Variants in ITPKC observed in about 807,000 individuals in gnomAD.
ITPKC encodes the protein inositol-trisphosphate 3-kinase C.
A neutral mutation model predicts 67.1 loss-of-function variants in ITPKC; 33 were observed. That is an observed-to-expected ratio of 0.49 (90% confidence interval 0.37 to 0.66). The LOEUF (loss-of-function observed/expected upper bound fraction) is 0.66. Ranked by LOEUF, ITPKC falls within the 30% of genes least tolerant of loss-of-function variation. ITPKC has a pLI of 0.00. For missense variants in ITPKC, 820 were observed against 892.1 expected (o/e 0.92, Z 1.03); for synonymous variants, 341 against 359.8 (o/e 0.95, Z 0.59).
chr19:40,735,295 T>G (rs1193433287), intron 4 of ITPKC, among the ~76,000 whole-genome samples: 1 of 152,078 alleles, frequency 6.6e-6, no homozygotes, highest in Admixed American at 6.5e-5. Context: ...GGCTTGCTTT[T>G]TCCTGCCACA....
In ITPKC at chr19:40,717,737, G is replaced by C; in HGVS notation, c.602G>C (p.Ser201Thr). 1 of 1,613,846 alleles carries C rather than the reference G, an allele frequency of 6.2e-7. No homozygotes were observed. Among genetic ancestry groups the C allele is most frequent in the Non-Finnish European group, 8.5e-7 (1 of 1,179,898 alleles). Residue 201 changes from serine (S) to threonine (T), a missense_variant, in exon 1 of 7, where the codon AGT (serine) becomes ACT (threonine). This residue lies in a region of ITPKC where 481 missense variants were observed against 470.1 expected (regional missense o/e 1.02). Transcript: ENST00000263370. ...GATAACCTCTGGACCCACCAGAACA[G>C]TTCCAGCCTCCAGACTCACCCAGAA... ...WADNLWTHQNSSSLQTHPEGA... is the reference protein window; with the variant it reads ...WADNLWTHQNTSSLQTHPEGA...
chr19:40,737,981 G>A lies in ITPKC; in HGVS notation c.1848+212G>A, dbSNP rs113345543. On this transcript the variant is annotated intron_variant, in intron 6 of 6. Transcript: ENST00000263370. ...AGCCTGGGAAGCACAGCAAGACCCC[G>A]TCTCTATTTGGAAAAAAAAAAAAAA... Among the ~76,000 whole-genome samples the A allele has an allele frequency of 1.7e-3, 225 of 133,558 alleles. 1 individual carries two copies. The highest frequency in any genetic ancestry group is 5.5e-3 in the African/African-American group (199 of 35,918). The allele number at this position is 133,558 out of a possible 152,430, so 87.6% of individuals were successfully genotyped here. A position where few individuals can be genotyped will look rare whatever the true frequency, so the allele number is the denominator to read the frequency against.
At chr19:40,727,811 T>C (rs545889987) in intron 2 of ITPKC, among the ~76,000 whole-genome samples, 1 of 152,310 alleles carries the variant, frequency 6.6e-6, no homozygotes, top group East Asian at 1.9e-4. Flanking sequence ...GAGCAATCTA[T>C]TTTTTATTTA....
At position 40,717,257 on chromosome 19, in the gene ITPKC, G is replaced by T; in HGVS notation, c.122G>T (p.Arg41Leu). 2.2e-6 allele frequency: 3 copies of T among 1,361,330 alleles called. No individual in the cohort carries two copies. Among genetic ancestry groups the T allele is most frequent in the South Asian group, 1.8e-5 (1 of 55,046 alleles). The allele number at this position is 1,361,330 out of a possible 1,614,324, so 84.3% of individuals were successfully genotyped here. A position where few individuals can be genotyped will look rare whatever the true frequency, so the allele number is the denominator to read the frequency against. The change falls in exon 1 of 7, where the codon CGA becomes CTA. Residue 41 changes from arginine to leucine, a missense_variant. Around this residue, in one of 2 missense-constraint regions of ITPKC, gnomAD observed 481 missense variants for 470.1 expected, o/e 1.02. Transcript: ENST00000263370. ...CGGCGGCGGCAGCCGGGACAGCAGCGACCTGGGCCCGGCGCAGGGGCCCCG... is the reference window on the plus strand; with the variant it reads ...CGGCGGCGGCAGCCGGGACAGCAGCTACCTGGGCCCGGCGCAGGGGCCCCG... ...GGRRRQPGQQRPGPGAGAPAG... is the reference protein window; with the variant it reads ...GGRRRQPGQQLPGPGAGAPAG...
chr19:40,722,704 C>T (rs957550962), intron 1 of ITPKC, among the ~76,000 whole-genome samples: 1 of 152,174 alleles, frequency 6.6e-6, no homozygotes, highest in African/African-American at 2.4e-5. Flanking sequence ...AACCCTGTCT[C>T]AAAAAGCTCA....
rs1332037152 is a variant in ITPKC, at chr19:40,733,166, T to C, written c.1476T>C (p.Tyr492=). The change falls in exon 4 of 7, where the codon TAT becomes TAC. Residue 492 remains tyrosine, a synonymous_variant. Transcript: ENST00000263370. The part of the protein sequence containing the change: ...IMDCKMGSRT[Y]LEEELVKARE... ...ACATCCTCTGTGTGCTCAGGACCTA[T>C]CTGGAAGAGGAGCTAGTGAAGGCAC... 2.5e-6 allele frequency: 4 copies of C among 1,614,146 alleles called. No individual in the cohort carries two copies. The highest frequency in any genetic ancestry group is 3.4e-6 in the Non-Finnish European group (4 of 1,179,982).
Position 40,718,127 on chromosome 19 carries a change from T to C in ITPKC, c.992T>C (p.Ile331Thr). The stretch of plus-strand genomic sequence containing the variant: ...CCCCTGTGCCCTGTGCCCCGCCTCA[T>C]CATTACCCCTGAGACCCCTGAGCCT... ...CSPLCPVPRL[I>T]ITPETPEPEA... is the part of the protein sequence containing the mutation. Residue 331 changes from isoleucine to threonine, a missense_variant, in exon 1 of 7, where the codon ATC becomes ACC. Around this residue, in one of 2 missense-constraint regions of ITPKC, gnomAD observed 481 missense variants for 470.1 expected, o/e 1.02. Transcript: ENST00000263370. The C allele has an allele frequency of 6.8e-6, 11 of 1,610,798 alleles. No individual in the cohort carries two copies. Among genetic ancestry groups the C allele is most frequent in the Non-Finnish European group, 8.5e-6 (10 of 1,179,096 alleles).
rs1177387191 is a variant in ITPKC at position 40,739,533 on chromosome 19, C to T, written c.2025C>T (p.Cys675=). ...TCTGGGGCCTGGACAACATGATCTG[C>T]CTCCTGCAGGGGCTGGCACAGAGCT... ...GYLWGLDNMI[C]LLQGLAQS Residue 675 remains cysteine (C), a synonymous_variant, in exon 7 of 7, where the codon TGC becomes TGT. Transcript: ENST00000263370. 1.9e-6 allele frequency: 3 copies of T among 1,613,596 alleles called. No individual in the cohort carries two copies. Among genetic ancestry groups the T allele is most frequent in the Non-Finnish European group, 8.5e-7 (1 of 1,179,980 alleles).
Position 40,733,148 on chromosome 19 carries a change from C to G in ITPKC, c.1470-12C>G, listed in dbSNP as rs1350215274. ...TACATAATTTCCTTTGTCACATCCT[C>G]TGTGTGCTCAGGACCTATCTGGAAG... On this transcript the variant is annotated splice_polypyrimidine_tract_variant and intron_variant, in intron 3 of 6. Coordinates refer to ENST00000263370, the MANE Select transcript of ITPKC (RefSeq NM_025194.3). The G allele has an allele frequency of 1.2e-6, 2 of 1,612,884 alleles. No homozygotes were observed. The highest frequency in any genetic ancestry group is 1.7e-6 in the Non-Finnish European group (2 of 1,178,918).
intron 4 of ITPKC, among the ~76,000 whole-genome samples, chr19:40,736,041 T>C (rs976099428): frequency 7.2e-5 from 11 of 152,222 alleles, no homozygotes; most frequent in African/African-American, 2.4e-4. Context: ...CCAGTAATCC[T>C]AGCACTTTGG....
chr19:40,723,144 G>A (rs573426258), intron 1 of ITPKC, among the ~76,000 whole-genome samples: 16 of 152,172 alleles, frequency 1.1e-4, no homozygotes, highest in African/African-American at 3.9e-4. Context: ...TGTATTTTTA[G>A]TAGAGACGGG....
rs2082196512 is a variant in ITPKC, at chr19:40,717,560, C to G, written c.425C>G (p.Thr142Arg). The change falls in exon 1 of 7, where the codon ACA becomes AGA. Residue 142 changes from threonine to arginine, a missense_variant. Physicochemically the swap from Thr to Arg is moderately conservative, Grantham distance 71. This residue lies in a region of ITPKC where 481 missense variants were observed against 470.1 expected (regional missense o/e 1.02). Coordinates refer to ENST00000263370, the MANE Select transcript of ITPKC (RefSeq NM_025194.3). The part of the protein sequence containing the change: ...ETTCLWTETG[T>R]DGLWTDPHRS... ...ACTTGTCTTTGGACGGAGACCGGGACAGATGGCCTTTGGACTGATCCGCAC... is the reference window on the plus strand; with the variant it reads ...ACTTGTCTTTGGACGGAGACCGGGAGAGATGGCCTTTGGACTGATCCGCAC... 1 of 1,614,020 alleles carries G rather than the reference C, an allele frequency of 6.2e-7. No homozygotes were observed. Among genetic ancestry groups the G allele is most frequent in the Non-Finnish European group, 8.5e-7 (1 of 1,180,018 alleles).
chr19:40,717,238 C>T lies in ITPKC; in HGVS notation c.103C>T (p.Arg35Trp), dbSNP rs2082193316. 3.2e-6 allele frequency: 4 copies of T among 1,237,430 alleles called. No homozygotes were observed. The highest frequency in any genetic ancestry group is 4.0e-6 in the Non-Finnish European group (4 of 995,094). 76.7% of individuals were successfully genotyped at this position (1,237,430 alleles called of 1,614,324 possible). Residue 35 changes from arginine to tryptophan, a missense_variant, in exon 1 of 7, where the codon CGG (arginine) becomes TGG (tryptophan). Transcript: ENST00000263370. ...GGAGGCGCCGCGAGGAGGGCGGCGG[C>T]GGCAGCCGGGACAGCAGCGACCTGG... ...GLEAPRGGRR[R>W]QPGQQRPGPG...
intron 1 of ITPKC, among the ~76,000 whole-genome samples, chr19:40,720,668 C>T (rs953234980): frequency 6.6e-6 from 1 of 152,094 alleles, no homozygotes; most frequent in Non-Finnish European, 1.5e-5. Flanking sequence ...TTGGAGCCTC[C>T]GGTCTCCAGG....
rs746697179 is a variant in ITPKC at position 40,717,296 on chromosome 19, A to T, written c.161A>T (p.Glu54Val). 2.0e-6 allele frequency: 3 copies of T among 1,484,812 alleles called. No homozygotes were observed. The highest frequency in any genetic ancestry group is 2.5e-5 in the Admixed American group (1 of 40,484). The allele number at this position is 1,484,812 out of a possible 1,614,324, so 92.0% of individuals were successfully genotyped here. A position where few individuals can be genotyped will look rare whatever the true frequency, so the allele number is the denominator to read the frequency against. ...PGAGAPAGRPEGGGPWARTEG... is the reference protein window; with the variant it reads ...PGAGAPAGRPVGGGPWARTEG... Reference sequence around the variant, plus strand: ...GCAGGGGCCCCGGCGGGGCGGCCGGAGGGGGGCGGGCCCTGGGCCCGGACA... The same window carrying T: ...GCAGGGGCCCCGGCGGGGCGGCCGGTGGGGGGCGGGCCCTGGGCCCGGACA... Residue 54 changes from glutamate (E) to valine (V), a missense_variant, in exon 1 of 7, where the codon GAG becomes GTG. Transcript: ENST00000263370.
intron 1 of ITPKC, among the ~76,000 whole-genome samples, chr19:40,723,036 A>G (rs12984298): frequency 0.15 from 23,126 of 152,038 alleles, 1,982 homozygotes; most frequent in Middle Eastern, 0.21. Context: ...ATCTCGGCTC[A>G]CTGCAACCTC....
At chr19:40,733,600 G>A (rs769394767) in intron 4 of ITPKC, among the ~76,000 whole-genome samples, 14 of 152,186 alleles carry the variant, frequency 9.2e-5, no homozygotes, top group Non-Finnish European at 1.9e-4. Flanking sequence ...CCATGGTCAT[G>A]TCCTAGTCCA....
intron 1 of ITPKC, among the ~76,000 whole-genome samples, chr19:40,721,569 A>G (rs1204129998): frequency 1.3e-5 from 2 of 151,634 alleles, no homozygotes; most frequent in African/African-American, 2.4e-5. Context: ...GGGTTTCACT[A>G]TGTTGGCCAG....
chr19:40,732,639 C>G (rs545762910), intron 3 of ITPKC, among the ~76,000 whole-genome samples: 2 of 151,836 alleles, frequency 1.3e-5, no homozygotes, highest in Non-Finnish European at 2.9e-5. Flanking sequence ...GCTATGTTGC[C>G]GAGGCTGATC....
Sources: gnomAD v4.1 joint callset for allele counts (sites outside exome capture counted in the v4.1 genomes callset) on GRCh38, gnomAD v4.1.1 for gene constraint, gnomAD v4.1.1 regional missense constraint, MANE v1.5 for transcripts, NCBI Gene and HGNC (gene_info 2026-07-23, HGNC 2026-07-21) for gene names.